The following AP3B2 variants were observed in gnomAD, a reference collection of about 807,000 sequenced individuals.
AP3B2 encodes adaptor related protein complex 3 subunit beta 2, also known as AP-3 complex subunit beta-2.
In AP3B2, 50 loss-of-function variants were observed where a neutral mutation model predicts 126.9. That is an observed-to-expected ratio of 0.39 (90% CI 0.31 to 0.50). The LOEUF is 0.50. Ranked by LOEUF, AP3B2 falls within the 20% of genes least tolerant of loss-of-function variation. The pLI, the probability that AP3B2 is intolerant of heterozygous loss-of-function variation, is 0.79. For missense variants in AP3B2, 1,177 were observed against 1,426.4 expected (o/e 0.83, Z 2.82); for synonymous variants, 541 against 565.0 (o/e 0.96, Z 0.60).
chr15:82,662,680 A>G lies in AP3B2; in HGVS notation c.2833+14T>C. 1 of 1,604,106 alleles carries G rather than the reference A, an allele frequency of 6.2e-7. No homozygotes were observed. Among genetic ancestry groups the G allele is most frequent in the Non-Finnish European group, 8.5e-7 (1 of 1,174,978 alleles). ...AGGAGCCTCCTCCTCCACCCCATCC[A>G]AAGCCCTTCGCACCAATTTCGGGAA... is the stretch of plus-strand genomic sequence containing the variant. On this transcript the variant is annotated intron_variant, in intron 23 of 26. Coordinates refer to ENST00000535359, the MANE Select transcript of AP3B2 (RefSeq NM_001278512.2).
In AP3B2 at chr15:82,672,330, C is replaced by T. The variant is rs2048172737; in HGVS notation, c.1665+4131G>A. Among the ~76,000 whole-genome samples the T allele has an allele frequency of 3.3e-5, 5 of 152,108 alleles. No individual in the cohort carries two copies. The South Asian group carries it at 1.0e-3, about 32-fold the overall frequency. ...CAACAACATGGATAGAACTAGAGGT[C>T]ATTATTTTAAGTGAAATAAGCCAAG... On this transcript the variant is annotated intron_variant, in intron 14 of 26. Transcript: ENST00000535359.
intron 1 of AP3B2, among the ~76,000 whole-genome samples, chr15:82,706,518 G>A (rs1035791002): frequency 5.3e-5 from 8 of 152,132 alleles, no homozygotes; most frequent in Non-Finnish European, 8.8e-5. Flanking sequence ...AGATCCCATC[G>A]CTCAGGGCAA....
Position 82,665,112 on chromosome 15 carries a change from A to G in AP3B2, c.2028+135T>C. ...GGGCACTGTCCATGGAGGGGAGGGA[A>G]TGCTGCTCACAGAGGAGCACTGCCA... On this transcript the variant is annotated intron_variant, in intron 17 of 26. Transcript: ENST00000535359. The surrounding 1 kb of genome is among the most constrained non-coding windows in gnomAD (Gnocchi z 4.4). 9.2e-7 allele frequency: 1 copy of G among 1,084,872 alleles called. No individual in the cohort carries two copies. The highest frequency in any genetic ancestry group is 1.3e-6 in the Non-Finnish European group (1 of 745,316). The allele number at this position is 1,084,872 out of a possible 1,614,324, so 67.2% of individuals were successfully genotyped here.
chr15:82,688,439 ACT>A (rs1294706190), intron 4 of AP3B2: 1 of 700,400 alleles, frequency 1.4e-6, no homozygotes, highest in African/African-American at 1.8e-5. Flanking sequence ...ATTGCTAGAG[ACT>A]CTCCACTCTC....
chr15:82,659,987 G>A lies in AP3B2; in HGVS notation c.3017-4C>T, dbSNP rs2047910406. 1.2e-6 allele frequency: 2 copies of A among 1,613,568 alleles called. No individual in the cohort carries two copies. Among genetic ancestry groups the A allele is most frequent in the South Asian group, 2.2e-5 (2 of 91,084 alleles). On this transcript the variant is annotated splice_polypyrimidine_tract_variant and splice_region_variant and intron_variant, in intron 25 of 26. Coordinates refer to ENST00000535359, the MANE Select transcript of AP3B2 (RefSeq NM_001278512.2). Reference sequence around the variant, plus strand: ...TCATTCATGCCCATCAGCTTTCCTGGGGGTAGAGGTCGTGATGAGGGCAGA... The same window carrying A: ...TCATTCATGCCCATCAGCTTTCCTGAGGGTAGAGGTCGTGATGAGGGCAGA...
Position 82,659,442 on chromosome 15 carries a change from G to A in AP3B2, c.*118C>T. ...CCTCCAGAGGGAGAGAGGACACCCT[G>A]AATGCTATCTGGCATGAGGAGGATG... On this transcript the variant is annotated 3_prime_UTR_variant, in exon 27 of 27. Coordinates refer to ENST00000535359, the MANE Select transcript of AP3B2 (RefSeq NM_001278512.2). 2 of 1,377,244 alleles carry A rather than the reference G, an allele frequency of 1.5e-6. No individual in the cohort carries two copies. Among genetic ancestry groups the A allele is most frequent in the Non-Finnish European group, 2.0e-6 (2 of 999,850 alleles). 85.3% of individuals were successfully genotyped at this position (1,377,244 alleles called of 1,614,324 possible). A position where few individuals can be genotyped will look rare whatever the true frequency, so the allele number is the denominator to read the frequency against.
intron 1 of AP3B2, among the ~76,000 whole-genome samples, chr15:82,694,521 C>G (rs2151455352): frequency 6.6e-6 from 1 of 151,552 alleles, no homozygotes; most frequent in Non-Finnish European, 1.5e-5. Flanking sequence ...CCTGTTTCTA[C>G]AAAAATAAAA....
intron 1 of AP3B2, among the ~76,000 whole-genome samples, chr15:82,701,633 T>TTG (rs1188637386): frequency 6.6e-6 from 1 of 152,204 alleles, no homozygotes; most frequent in East Asian, 1.9e-4. Context: ...CTCTGCAACT[T>TTG]AACATGGTTC....
intron 1 of AP3B2, among the ~76,000 whole-genome samples, chr15:82,708,243 C>A (rs1252162249): frequency 6.6e-6 from 1 of 151,080 alleles, no homozygotes; most frequent in African/African-American, 2.4e-5. Context: ...CCCCCTTTGA[C>A]TGTAATTTTC....
At chr15:82,709,081 G>C (rs1025118754) in intron 1 of AP3B2, among the ~76,000 whole-genome samples, 6 of 152,158 alleles carry the variant, frequency 3.9e-5, no homozygotes, top group Admixed American at 3.9e-4. Context: ...GCCAGGAGCA[G>C]GGATGTGAGG....
intron 1 of AP3B2, chr15:82,691,603 T>TAA: frequency 2.5e-4 from 157 of 629,712 alleles, no homozygotes; most frequent in East Asian, 3.9e-4. Context: ...TTTTCTTCTT[T>TAA]AAAAAAAAAA....
rs1057519271 is a variant in AP3B2, at chr15:82,663,148, TGTGA to T, written c.2579_2582del (p.Leu860GlnfsTer10). On this transcript the variant is annotated frameshift_variant, in exon 22 of 27. Transcript: ENST00000535359. LOFTEE classifies it high-confidence loss of function. The stretch of plus-strand genomic sequence containing the variant: ...TCACCGACGGTACCAGGGTGGAGTC[TGTGA>T]GTGTCAGGCCCTCCAGGTCAGCAGC... 1.9e-6 allele frequency: 3 copies of T among 1,611,740 alleles called. No homozygotes were observed. Among genetic ancestry groups the T allele is most frequent in the Non-Finnish European group, 2.5e-6 (3 of 1,179,450 alleles).
intron 3 of AP3B2, 126 bp from the exon 4 acceptor site, chr15:82,688,957 G>C: frequency 9.8e-7 from 1 of 1,016,464 alleles, no homozygotes; most frequent in Non-Finnish European, 1.5e-6. Flanking sequence ...CAGTGGGGGA[G>C]AGCACCCCTG....
chr15:82,677,024 G>A (rs574096502), intron 13 of AP3B2, among the ~76,000 whole-genome samples: 1 of 152,286 alleles, frequency 6.6e-6, no homozygotes, highest in East Asian at 1.9e-4. Context: ...ACTCAACCAT[G>A]GTTGGCTAGA....
In AP3B2 at chr15:82,664,239, G is replaced by T. The variant is rs2048010763; in HGVS notation, c.2261+128C>A. On this transcript the variant is annotated intron_variant, in intron 19 of 26. Coordinates refer to ENST00000535359, the MANE Select transcript of AP3B2 (RefSeq NM_001278512.2). This position sits in a 1 kb window ranked among gnomAD's most constrained non-coding sequence, Gnocchi z 4.5. ...GCCAGCGAAAGTAGGCGTCATGTGA[G>T]CTGACAGCCCCACCCAGCTCACGAG... 4 of 1,460,718 alleles carry T rather than the reference G, an allele frequency of 2.7e-6. No homozygotes were observed. The highest frequency in any genetic ancestry group is 3.7e-6 in the Non-Finnish European group (4 of 1,079,068). The allele number at this position is 1,460,718 out of a possible 1,614,324, so 90.5% of individuals were successfully genotyped here.
Position 82,684,511 on chromosome 15 carries a change from G to A in AP3B2, c.361-2931C>T, listed in dbSNP as rs184157919. On this transcript the variant is annotated intron_variant, in intron 4 of 26. Coordinates refer to ENST00000535359, the MANE Select transcript of AP3B2 (RefSeq NM_001278512.2). ...AGGGAATGTGGTAGCTGGTTTGATC[G>A]TCTATCCAGACCACTTAAATTTTCC... 1.3e-4 allele frequency among the ~76,000 whole-genome samples: 20 copies of A among 152,240 alleles called. No homozygotes were observed. The East Asian group carries it at 3.3e-3, about 25-fold the overall frequency.
intron 12 of AP3B2, 63 bp downstream of exon 12, chr15:82,677,606 CAG>C: frequency 6.8e-7 from 1 of 1,481,406 alleles, no homozygotes; most frequent in Non-Finnish European, 9.0e-7. Flanking sequence ...CAGTGGCCAG[CAG>C]AGTCAGACCT....
Position 82,676,568 on chromosome 15 carries a change from G to C in AP3B2, c.1558C>G (p.Pro520Ala), listed in dbSNP as rs1567263274. ...TTGGCCATTTTTCTTAAGACATCAG[G>C]TGCAATCCTGGGGACATGCTCACAG... The part of the protein sequence containing the change: ...EYCEHVPRIA[P>A]DVLRKMAKSF... Residue 520 changes from proline to alanine, a missense_variant, in exon 14 of 27, where the codon CCT becomes GCT. Around this residue, in one of 5 missense-constraint regions of AP3B2, gnomAD observed 308 missense variants for 452.4 expected, o/e 0.68. Coordinates refer to ENST00000535359, the MANE Select transcript of AP3B2 (RefSeq NM_001278512.2). The C allele has an allele frequency of 6.2e-7, 1 of 1,614,000 alleles. No individual in the cohort carries two copies. Among genetic ancestry groups the C allele is most frequent in the East Asian group, 2.2e-5 (1 of 44,880 alleles).
intron 1 of AP3B2, chr15:82,692,732 A>G (rs1184363955): frequency 1.3e-5 from 2 of 152,462 alleles, no homozygotes; most frequent in African/African-American, 4.8e-5. Flanking sequence ...TGGCCTCACA[A>G]CAAAAGCCAG....
Sources: allele counts gnomAD v4.1 joint callset (sites outside exome capture counted in the v4.1 genomes callset), GRCh38; gene constraint gnomAD v4.1.1; regional missense constraint gnomAD v4.1.1; non-coding constraint Gnocchi (gnomAD v3.1); transcripts MANE v1.5; gene names NCBI Gene and HGNC (gene_info 2026-07-23, HGNC 2026-07-21).